Variants in XRCC5 observed in about 807,000 individuals in gnomAD.
XRCC5 encodes the protein DNA repair protein Ku80.
Under a neutral mutation model 95.7 loss-of-function variants are expected in XRCC5, and 12 were observed. That is an observed-to-expected ratio of 0.13 (90% CI 0.08 to 0.20). The LOEUF is 0.20. Among genes scored for constraint, XRCC5 ranks in the 10% least tolerant of loss-of-function variants. The pLI is 1.00. For synonymous variants in XRCC5, 281 were observed against 290.3 expected (o/e 0.97, Z 0.33); for missense variants, 595 against 873.9 (o/e 0.68, Z 4.02).
chr2:216,201,184 C>T (rs1451257846), intron 19 of XRCC5, among the ~76,000 whole-genome samples: 1 of 152,200 alleles, frequency 6.6e-6, no homozygotes, highest in Non-Finnish European at 1.5e-5. Flanking sequence ...TTCCCTCTTG[C>T]ACCATGTTAG....
At chr2:216,153,658 A>T (rs549316115) in intron 14 of XRCC5, among the ~76,000 whole-genome samples, 2 of 152,320 alleles carry the variant, frequency 1.3e-5, no homozygotes, top group South Asian at 4.1e-4. Flanking sequence ...GAGACTCAGG[A>T]TTAGAGAAGA....
intron 16 of XRCC5, among the ~76,000 whole-genome samples, chr2:216,166,875 G>A (rs937928219): frequency 2.0e-5 from 3 of 152,140 alleles, no homozygotes; most frequent in Non-Finnish European, 2.9e-5. Flanking sequence ...AACAGGTTTT[G>A]TGAGGATCTT....
At chr2:216,190,073 A>G in intron 16 of XRCC5, 152 bp from the exon 17 acceptor site, 2 of 516,568 alleles carry the variant, frequency 3.9e-6, no homozygotes, top group South Asian at 3.9e-5. Flanking sequence ...AGAATTTTGC[A>G]TCTCATCTCT....
rs190052288 is a variant in XRCC5, at chr2:216,196,612, G to A, written c.2109+1626G>A. Among the ~76,000 whole-genome samples the A allele has an allele frequency of 2.2e-4, 33 of 152,282 alleles. No individual in the cohort carries two copies. The Middle Eastern group carries it at 0.014, about 63-fold the overall frequency. Reference sequence around the variant, plus strand: ...CTTGTGTGATTGTAGGGCTTGGCAAGTCTGAAATTTGTAGGACAGGCTAGC... The same window carrying A: ...CTTGTGTGATTGTAGGGCTTGGCAAATCTGAAATTTGTAGGACAGGCTAGC... On this transcript the variant is annotated intron_variant, in intron 19 of 20. Coordinates refer to ENST00000392132, the MANE Select transcript of XRCC5 (RefSeq NM_021141.4).
Position 216,132,375 on chromosome 2 carries a change from A to G in XRCC5, c.1101A>G (p.Ala367=). 1.2e-6 allele frequency: 2 copies of G among 1,613,992 alleles called. No homozygotes were observed. The highest frequency in any genetic ancestry group is 1.7e-6 in the Non-Finnish European group (2 of 1,179,884). Residue 367 remains alanine (A), a synonymous_variant, in exon 10 of 21, where the codon GCA becomes GCG. Coordinates refer to ENST00000392132, the MANE Select transcript of XRCC5 (RefSeq NM_021141.4). ...ATCAAGTTCTAAAGGTCTTTGCAGC[A>G]AGAGATGATGAGGTGAGTTGGCAGC... ...MGNQVLKVFA[A]RDDEAAAVAL... is the part of the protein sequence containing the mutation.
At chr2:216,195,088 G>A in intron 19 of XRCC5, 102 bp downstream of exon 19, 4 of 1,055,604 alleles carry the variant, frequency 3.8e-6, no homozygotes, top group Admixed American at 2.0e-5. Context: ...CTAAATTAGT[G>A]TACTCATTTT....
At position 216,122,226 on chromosome 2, in the gene XRCC5, A is replaced by G. The variant is rs777992912; in HGVS notation, c.656A>G (p.Asp219Gly). ...GTGATGATATCTTTAGAAGGTGAAGATGGGTTGGATGAAATTTATTCATTC... is the reference window on the plus strand; with the variant it reads ...GTGATGATATCTTTAGAAGGTGAAGGTGGGTTGGATGAAATTTATTCATTC... ...KMVMISLEGE[D>G]GLDEIYSFSE... is the part of the protein sequence containing the mutation. The change falls in exon 6 of 21, where the codon GAT becomes GGT. Residue 219 changes from aspartate to glycine, a missense_variant. Asp to Gly is a moderately conservative substitution (Grantham distance 94). Coordinates refer to ENST00000392132, the MANE Select transcript of XRCC5 (RefSeq NM_021141.4). The G allele has an allele frequency of 1.2e-6, 2 of 1,611,750 alleles. No individual in the cohort carries two copies. The highest frequency in any genetic ancestry group is 1.1e-5 in the South Asian group (1 of 91,010).
At chr2:216,128,724 T>C (rs1341934963) in intron 8 of XRCC5, among the ~76,000 whole-genome samples, 2 of 152,232 alleles carry the variant, frequency 1.3e-5, no homozygotes, top group Non-Finnish European at 1.5e-5. Flanking sequence ...GGTTGGTGTA[T>C]TGAGCATATA....
intron 16 of XRCC5, among the ~76,000 whole-genome samples, chr2:216,170,202 C>T (rs1455505344): frequency 2.6e-5 from 4 of 152,012 alleles, no homozygotes; most frequent in Admixed American, 1.3e-4. Flanking sequence ...TCAGTGAGCA[C>T]CTGAATTTCT....
At chr2:216,137,031 T>C in intron 10 of XRCC5, 57 bp from the exon 11 acceptor site, 3 of 1,572,480 alleles carry the variant, frequency 1.9e-6, no homozygotes, top group Non-Finnish European at 2.6e-6. Flanking sequence ...TATTGAGTTC[T>C]GTTGTGAAAA....
chr2:216,181,339 T>G (rs116390086), intron 16 of XRCC5, among the ~76,000 whole-genome samples: 117 of 152,286 alleles, frequency 7.7e-4, no homozygotes, highest in African/African-American at 2.8e-3. Context: ...TAAGTTCTTA[T>G]AGCACAGATT....
chr2:216,116,820 A>C lies in XRCC5; in HGVS notation c.297A>C (p.Gln99His). The C allele has an allele frequency of 6.2e-7, 1 of 1,614,160 alleles. No individual in the cohort carries two copies. The highest frequency in any genetic ancestry group is 8.5e-7 in the Non-Finnish European group (1 of 1,180,006). The change falls in exon 3 of 21, where the codon CAA becomes CAC. Residue 99 changes from glutamine (Q) to histidine (H), a missense_variant. By Grantham distance (24) the Gln-to-His change is conservative (BLOSUM62 0). This residue lies in a region of XRCC5 where 286 missense variants were observed against 491.1 expected (regional missense o/e 0.58). Transcript: ENST00000392132. ...DLLEDIESKI[Q>H]PGSQQADFLD... ...TGGAGGACATTGAAAGCAAAATCCA[A>C]CCAGGTTCTCAACAGGCTGACTGTA...
chr2:216,148,212 C>T lies in XRCC5; in HGVS notation c.1606C>T (p.Leu536Phe), dbSNP rs200232117. 3.1e-6 allele frequency: 5 copies of T among 1,613,696 alleles called. No individual in the cohort carries two copies. Among genetic ancestry groups the T allele is most frequent in the African/African-American group, 2.7e-5 (2 of 74,886 alleles). Reference protein sequence around the residue: ...SQIPLSKIKTLFPLIEAKKKD... With the variant: ...SQIPLSKIKTFFPLIEAKKKD... Reference sequence around the variant, plus strand: ...GATTCCTCTCTCTAAAATAAAGACCCTTTTTCCTCTGATTGAAGCCAAGAA... The same window carrying T: ...GATTCCTCTCTCTAAAATAAAGACCTTTTTTCCTCTGATTGAAGCCAAGAA... The change falls in exon 14 of 21, where the codon CTT (leucine) becomes TTT (phenylalanine). Residue 536 changes from leucine (L) to phenylalanine (F), a missense_variant. Leu to Phe is a conservative substitution (Grantham distance 22). This residue lies in a region of XRCC5 where 309 missense variants were observed against 382.9 expected (regional missense o/e 0.81). Coordinates refer to ENST00000392132, the MANE Select transcript of XRCC5 (RefSeq NM_021141.4).
intron 10 of XRCC5, among the ~76,000 whole-genome samples, chr2:216,133,304 A>G (rs983617962): frequency 1.3e-5 from 2 of 152,218 alleles, no homozygotes; most frequent in East Asian, 1.9e-4. Flanking sequence ...ATGGAAGTCT[A>G]GTATATACTG....
chr2:216,168,111 T>C (rs1451148821), intron 16 of XRCC5, among the ~76,000 whole-genome samples: 1 of 152,244 alleles, frequency 6.6e-6, no homozygotes. Context: ...TTGTAGAGAA[T>C]ACTTGCTGAA....
chr2:216,157,358 C>T (rs758433560), intron 14 of XRCC5, among the ~76,000 whole-genome samples: 37 of 152,084 alleles, frequency 2.4e-4, no homozygotes, highest in Non-Finnish European at 3.8e-4. Context: ...CTCAGCCTTT[C>T]GAGTAGCTGG....
chr2:216,153,606 T>G (rs1688788503), intron 14 of XRCC5, among the ~76,000 whole-genome samples: 1 of 152,242 alleles, frequency 6.6e-6, no homozygotes, highest in Non-Finnish European at 1.5e-5. Flanking sequence ...GTTGCCATCC[T>G]ATGAAGTAGA....
At chr2:216,123,912 A>G in intron 6 of XRCC5, among the ~76,000 whole-genome samples, 1 of 152,224 alleles carries the variant, frequency 6.6e-6, no homozygotes, top group East Asian at 1.9e-4. Context: ...ATTACTGACT[A>G]TGCATTGTTT....
chr2:216,152,174 T>C (rs1304116957), intron 14 of XRCC5, among the ~76,000 whole-genome samples: 1 of 152,158 alleles, frequency 6.6e-6, no homozygotes, highest in East Asian at 1.9e-4. Flanking sequence ...CAGTGGCTCA[T>C]GCCTGTAATC....
Sources: gnomAD v4.1 joint callset for allele counts (sites outside exome capture counted in the v4.1 genomes callset) on GRCh38, gnomAD v4.1.1 for gene constraint, gnomAD v4.1.1 regional missense constraint, MANE v1.5 for transcripts, NCBI Gene and HGNC (gene_info 2026-07-23, HGNC 2026-07-21) for gene names.